The following RAB23 variants were observed in gnomAD, a reference collection of about 807,000 sequenced individuals.
The protein encoded by RAB23 is ras-related protein Rab-23.
A neutral mutation model predicts 30.0 loss-of-function variants in RAB23; 15 were observed. The ratio of observed to expected loss-of-function variants is 0.50; its 90% CI spans 0.33 to 0.77. The LOEUF is 0.77. Ranked by LOEUF, RAB23 falls within the 30% of genes least tolerant of loss-of-function variation. The probability of loss-of-function intolerance (pLI) is 0.02; values close to 1 mark genes in which losing one functional copy is unlikely to be tolerated. For missense variants in RAB23, 243 were observed against 275.4 expected (o/e 0.88, Z 0.83); for synonymous variants, 93 against 94.0 (o/e 0.99, Z 0.06).
At chr6:57,212,846 T>G (rs1562659634) in intron 1 of RAB23, among the ~76,000 whole-genome samples, 1 of 152,016 alleles carries the variant, frequency 6.6e-6, no homozygotes, top group East Asian at 1.9e-4. Flanking sequence ...ACTGTACCAG[T>G]GCACTTCAGC....
At chr6:57,190,671 G>A in intron 6 of RAB23, 71 bp from the exon 7 acceptor site, 2 of 1,523,614 alleles carry the variant, frequency 1.3e-6, no homozygotes, top group Non-Finnish European at 1.8e-6. Context: ...CAGCTTGTTA[G>A]TAAAATCAGT....
chr6:57,207,492 T>C (rs1335291982), intron 3 of RAB23, 136 bp downstream of exon 3: 8 of 639,778 alleles, frequency 1.3e-5, no homozygotes, highest in Non-Finnish European at 2.2e-5. Context: ...TGAACTGGGG[T>C]TTTAAAAAAT....
At chr6:57,200,565 T>G (rs529090984) in intron 3 of RAB23, among the ~76,000 whole-genome samples, 1 of 151,692 alleles carries the variant, frequency 6.6e-6, no homozygotes, top group Non-Finnish European at 1.5e-5. Flanking sequence ...AAAAGAATTT[T>G]TTTAGAGGAA....
intron 1 of RAB23, among the ~76,000 whole-genome samples, chr6:57,217,226 A>C (rs76669030): frequency 6.6e-6 from 1 of 152,262 alleles, no homozygotes; most frequent in African/African-American, 2.4e-5. Context: ...AAAAAAAAAA[A>C]AACAAAATTA....
chr6:57,198,696 T>A lies in RAB23; in HGVS notation c.242-2090A>T, dbSNP rs946707502. On this transcript the variant is annotated intron_variant, in intron 3 of 6. Coordinates refer to ENST00000468148, the MANE Select transcript of RAB23 (RefSeq NM_016277.5). ...ACTCTGTCTAAAAAAAAAAAAAAAA[T>A]TTGTTCTTTATCATAAAACTCAATG... 5.0e-3 allele frequency among the ~76,000 whole-genome samples: 750 copies of A among 151,306 alleles called. 4 individuals carry two copies. Among genetic ancestry groups the A allele is most frequent in the Middle Eastern group, 0.014 (4 of 294 alleles).
intron 1 of RAB23, among the ~76,000 whole-genome samples, chr6:57,218,663 C>T (rs1348759897): frequency 6.6e-6 from 1 of 152,044 alleles, no homozygotes; most frequent in Admixed American, 6.6e-5. Context: ...CCAGCCTGGA[C>T]AACATGGTGA....
chr6:57,210,832 A>G (rs561413154), intron 1 of RAB23, among the ~76,000 whole-genome samples: 102 of 152,328 alleles, frequency 6.7e-4, no homozygotes, highest in African/African-American at 2.4e-3. Flanking sequence ...TCATACGGTT[A>G]TTGATCAATG....
At chr6:57,203,044 T>TC (rs1251217895) in intron 3 of RAB23, among the ~76,000 whole-genome samples, 1 of 143,358 alleles carries the variant, frequency 7.0e-6, no homozygotes, top group African/African-American at 2.6e-5. Context: ...TCTTGCTCTG[T>TC]CACCCAGGCT....
Position 57,188,888 on chromosome 6 carries a change from T to A in RAB23, c.*1573A>T, listed in dbSNP as rs1403930094. 1 of 152,062 alleles carries A rather than the reference T, an allele frequency of 6.6e-6. No individual in the cohort carries two copies. Among genetic ancestry groups the A allele is most frequent in the Non-Finnish European group, 1.5e-5 (1 of 67,990 alleles). 9.4% of individuals were successfully genotyped at this position (152,062 alleles called of 1,614,324 possible). A position where few individuals can be genotyped will look rare whatever the true frequency, so the allele number is the denominator to read the frequency against. The stretch of plus-strand genomic sequence containing the variant: ...CCAGGAAATTTGATTTTCTCAACAT[T>A]AGGAGGATGAGGGGAGTACAGATGG... On this transcript the variant is annotated 3_prime_UTR_variant, in exon 7 of 7. Coordinates refer to ENST00000468148, the MANE Select transcript of RAB23 (RefSeq NM_016277.5).
intron 2 of RAB23, 124 bp from the exon 3 acceptor site, chr6:57,207,837 T>C (rs1287655612): frequency 2.9e-6 from 2 of 679,044 alleles, no homozygotes; most frequent in Admixed American, 2.6e-5. Context: ...TGACTTATGA[T>C]GGGTTGTCCC....
In RAB23 at chr6:57,190,075, C is replaced by A; in HGVS notation, c.*386G>T. The A allele has an allele frequency of 4.4e-6, 1 of 225,418 alleles. No homozygotes were observed. Among genetic ancestry groups the A allele is most frequent in the Non-Finnish European group, 8.9e-6 (1 of 112,516 alleles). The allele number at this position is 225,418 out of a possible 1,614,324, so 14.0% of individuals were successfully genotyped here. A position where few individuals can be genotyped will look rare whatever the true frequency, so the allele number is the denominator to read the frequency against. Reference sequence around the variant, plus strand: ...CTATTTCGCAGAAAAGCTACATGACCAATTTCAGGAAAAGAATGCTTGCTA... The same window carrying A: ...CTATTTCGCAGAAAAGCTACATGACAAATTTCAGGAAAAGAATGCTTGCTA... On this transcript the variant is annotated 3_prime_UTR_variant, in exon 7 of 7. Coordinates refer to ENST00000468148, the MANE Select transcript of RAB23 (RefSeq NM_016277.5).
intron 3 of RAB23, among the ~76,000 whole-genome samples, chr6:57,207,076 A>G (rs1765479743): frequency 6.6e-6 from 1 of 152,250 alleles, no homozygotes. Context: ...GCAAAATTTT[A>G]TAAGAAAATG....
At chr6:57,194,217 A>T (rs1038799454) in intron 5 of RAB23, among the ~76,000 whole-genome samples, 4 of 152,088 alleles carry the variant, frequency 2.6e-5, no homozygotes, top group African/African-American at 9.6e-5. Flanking sequence ...ATACTAAGCA[A>T]CACTAAACAG....
intron 1 of RAB23, among the ~76,000 whole-genome samples, chr6:57,215,861 A>T (rs961254227): frequency 2.0e-5 from 3 of 152,206 alleles, no homozygotes; most frequent in Non-Finnish European, 4.4e-5. Context: ...AGACAATTAT[A>T]AATGGGGAAG....
intron 3 of RAB23, 138 bp downstream of exon 3, chr6:57,207,490 G>C (rs1765491556): frequency 1.6e-6 from 1 of 629,836 alleles, no homozygotes. Context: ...AATGAACTGG[G>C]GTTTTAAAAA....
intron 3 of RAB23, among the ~76,000 whole-genome samples, chr6:57,201,235 C>T (rs1593216201): frequency 6.6e-6 from 1 of 152,200 alleles, no homozygotes; most frequent in South Asian, 2.1e-4. Context: ...CGCCCACCAC[C>T]ATGCCCAACT....
At chr6:57,200,103 T>C (rs1765188849) in intron 3 of RAB23, among the ~76,000 whole-genome samples, 1 of 152,058 alleles carries the variant, frequency 6.6e-6, no homozygotes, top group South Asian at 2.1e-4. Context: ...GATTCCAAGA[T>C]TTATGAGACA....
Position 57,188,577 on chromosome 6 carries a change from G to GGAGAGTAGAGAGTAGAAAATTGAA in RAB23, c.*1860_*1883dup, listed in dbSNP as rs1554307996. 2 of 152,006 alleles carry GGAGAGTAGAGAGTAGAAAATTGAA rather than the reference G, an allele frequency of 1.3e-5. No homozygotes were observed. Among genetic ancestry groups the GGAGAGTAGAGAGTAGAAAATTGAA allele is most frequent in the East Asian group, 3.9e-4 (2 of 5,192 alleles). 9.4% of individuals were successfully genotyped at this position (152,006 alleles called of 1,614,324 possible). A position where few individuals can be genotyped will look rare whatever the true frequency, so the allele number is the denominator to read the frequency against. On this transcript the variant is annotated 3_prime_UTR_variant, in exon 7 of 7. Transcript: ENST00000468148. Reference sequence around the variant, plus strand: ...TATTATTTTGTGCAAAAATTAAAGAGGAGAGTAGAGAGTAGAAAATTGAAG... The same window carrying GGAGAGTAGAGAGTAGAAAATTGAA: ...TATTATTTTGTGCAAAAATTAAAGAGGAGAGTAGAGAGTAGAAAATTGAAGAGAGTAGAGAGTAGAAAATTGAAG...
intron 1 of RAB23, among the ~76,000 whole-genome samples, chr6:57,213,204 T>C (rs577304552): frequency 6.6e-6 from 1 of 152,310 alleles, no homozygotes; most frequent in South Asian, 2.1e-4. Context: ...GCTGCTGATT[T>C]GACAGGAGGC....
Sources: allele counts gnomAD v4.1 joint callset (sites outside exome capture counted in the v4.1 genomes callset), GRCh38; gene constraint gnomAD v4.1.1; transcripts MANE v1.5; gene names NCBI Gene and HGNC (gene_info 2026-07-23, HGNC 2026-07-21).